NR6A1: variants seen among roughly 807,000 people sequenced by gnomAD.
NR6A1 encodes retinoic acid receptor-related testis-associated receptor.
In NR6A1, 7 loss-of-function variants were observed where a neutral mutation model predicts 59.1. That is an observed-to-expected ratio of 0.12 (90% CI 0.07 to 0.22). The LOEUF is 0.22. NR6A1 is among the 10% of genes least tolerant of loss of function. The pLI is 1.00. For missense variants in NR6A1, 468 were observed against 611.6 expected (o/e 0.77, Z 2.48); for synonymous variants, 243 against 236.1 (o/e 1.03, Z -0.27).
chr9:124,600,454 A>G (rs1835414643), intron 2 of NR6A1, among the ~76,000 whole-genome samples: 2 of 152,226 alleles, frequency 1.3e-5, no homozygotes, highest in African/African-American at 2.4e-5. Flanking sequence ...AGTTCAGGAA[A>G]AAACTCAAGG....
chr9:124,709,220 G>A (rs1199405817), intron 2 of NR6A1, among the ~76,000 whole-genome samples: 1 of 152,074 alleles, frequency 6.6e-6, no homozygotes, highest in Non-Finnish European at 1.5e-5. Context: ...CCTATTTCCT[G>A]ACTGAAGTAA....
At chr9:124,577,766 A>G (rs1834642991) in intron 2 of NR6A1, among the ~76,000 whole-genome samples, 1 of 152,202 alleles carries the variant, frequency 6.6e-6, no homozygotes. Context: ...CTCATTGCAG[A>G]AATTGGGAAA....
intron 2 of NR6A1, among the ~76,000 whole-genome samples, chr9:124,731,889 T>C (rs575447337): frequency 4.9e-4 from 74 of 152,302 alleles, no homozygotes; most frequent in African/African-American, 1.7e-3. Context: ...AAGTTATAAG[T>C]GGACTTTCAA....
chr9:124,561,906 C>T (rs985851911), intron 2 of NR6A1, among the ~76,000 whole-genome samples: 5 of 151,774 alleles, frequency 3.3e-5, no homozygotes, highest in Admixed American at 2.0e-4. Flanking sequence ...AGTGAGACTC[C>T]GTCTCAAAAA....
intron 2 of NR6A1, among the ~76,000 whole-genome samples, chr9:124,587,684 T>C (rs938450198): frequency 2.0e-5 from 3 of 152,246 alleles, no homozygotes; most frequent in Non-Finnish European, 4.4e-5. Flanking sequence ...AAAGTGCTTT[T>C]GTAACTTCTT....
intron 2 of NR6A1, chr9:124,599,641 G>T: frequency 8.6e-7 from 1 of 1,165,428 alleles, no homozygotes; most frequent in Non-Finnish European, 1.1e-6. Context: ...GCGGCCTCTC[G>T]GCGACTACTC....
intron 2 of NR6A1, among the ~76,000 whole-genome samples, chr9:124,579,382 C>T (rs1395008129): frequency 2.0e-5 from 3 of 152,062 alleles, no homozygotes; most frequent in African/African-American, 7.3e-5. Flanking sequence ...AAGATCCTGT[C>T]CCTACAAAAA....
intron 1 of NR6A1, among the ~76,000 whole-genome samples, chr9:124,739,169 C>A (rs1368015086): frequency 1.4e-5 from 2 of 143,768 alleles, no homozygotes; most frequent in South Asian, 4.4e-4. Flanking sequence ...GCCTGGACAA[C>A]AGAGCGAGAC....
At chr9:124,767,796 A>G (rs945315831) in intron 1 of NR6A1, among the ~76,000 whole-genome samples, 1 of 152,218 alleles carries the variant, frequency 6.6e-6, no homozygotes, top group East Asian at 1.9e-4. Context: ...CTAAAGTGTA[A>G]TTACATAAAA....
intron 2 of NR6A1, among the ~76,000 whole-genome samples, chr9:124,699,793 T>G (rs1386403987): frequency 6.6e-6 from 1 of 152,232 alleles, no homozygotes; most frequent in East Asian, 1.9e-4. Flanking sequence ...CACTCCCAAC[T>G]TAGCCCCCAG....
At chr9:124,660,110 T>C (rs1837384257) in intron 2 of NR6A1, among the ~76,000 whole-genome samples, 1 of 152,198 alleles carries the variant, frequency 6.6e-6, no homozygotes, top group Non-Finnish European at 1.5e-5. Flanking sequence ...ATCTATGCTA[T>C]AAAGATAACT....
chr9:124,695,172 T>C (rs1838705772), intron 2 of NR6A1, among the ~76,000 whole-genome samples: 1 of 152,208 alleles, frequency 6.6e-6, no homozygotes, highest in Non-Finnish European at 1.5e-5. Flanking sequence ...ACTATTCTGC[T>C]GAGTGCAGAC....
chr9:124,711,187 TAAAAAAAAAAAAA>T (rs58609931), intron 2 of NR6A1, among the ~76,000 whole-genome samples: 15 of 66,498 alleles, frequency 2.3e-4, no homozygotes, highest in African/African-American at 5.6e-4. Flanking sequence ...AGCTAAGGTT[TAAAAAAAAAAAAA>T]AAAAAAAAAA....
At chr9:124,734,281 G>A (rs1278032963) in intron 1 of NR6A1, among the ~76,000 whole-genome samples, 2 of 152,346 alleles carry the variant, frequency 1.3e-5, no homozygotes, top group East Asian at 3.8e-4. Context: ...ACTGTTCCAT[G>A]AGGGCGGGGA....
intron 2 of NR6A1, among the ~76,000 whole-genome samples, chr9:124,711,595 T>C (rs978694): frequency 0.013 from 1,948 of 152,226 alleles, 36 homozygotes; most frequent in African/African-American, 0.044. Flanking sequence ...ATAAAGTAGG[T>C]TTCAGGCACA....
chr9:124,661,342 A>G (rs780418649), intron 2 of NR6A1, among the ~76,000 whole-genome samples: 7 of 152,220 alleles, frequency 4.6e-5, no homozygotes, highest in Non-Finnish European at 8.8e-5. Flanking sequence ...GGGAAACAGT[A>G]CATGGATTCT....
Position 124,595,905 on chromosome 9 carries a change from G to T in NR6A1, c.143-41335C>A, listed in dbSNP as rs772311192. The T allele has an allele frequency of 3.8e-4, 371 of 979,374 alleles. 1 individual carries two copies. Among genetic ancestry groups the T allele is most frequent in the Non-Finnish European group, 3.8e-4 (270 of 714,634 alleles). 60.7% of individuals were successfully genotyped at this position (979,374 alleles called of 1,614,324 possible). On this transcript the variant is annotated intron_variant, in intron 2 of 9. Transcript: ENST00000487099. ...CGGGACTACGACAGTCATCCTCACA[G>T]GTCAGTTTACAAGCTGGTCATGTGA...
At chr9:124,767,519 A>T (rs1261597423) in intron 1 of NR6A1, among the ~76,000 whole-genome samples, 1 of 152,034 alleles carries the variant, frequency 6.6e-6, no homozygotes, top group South Asian at 2.1e-4. Flanking sequence ...AAAAGAAAAA[A>T]AAAAAAAAAA....
intron 3 of NR6A1, among the ~76,000 whole-genome samples, chr9:124,553,518 T>C (rs1833836546): frequency 6.7e-6 from 1 of 150,260 alleles, no homozygotes; most frequent in Non-Finnish European, 1.5e-5. Flanking sequence ...CAGAGGGTCC[T>C]ATAGAGAAAT....
Sources: gnomAD v4.1 joint callset for allele counts (sites outside exome capture counted in the v4.1 genomes callset) on GRCh38, gnomAD v4.1.1 for gene constraint, MANE v1.5 for transcripts, NCBI Gene and HGNC (gene_info 2026-07-23, HGNC 2026-07-21) for gene names.